IKZF2: variants seen among roughly 807,000 people sequenced by gnomAD.
The protein encoded by IKZF2 is IKAROS family zinc finger 2, also known as zinc finger protein Helios.
IKZF2 carries 15 observed loss-of-function variants against 49.2 expected under a neutral mutation model. The observed-to-expected ratio is 0.30, with a 90% CI of 0.20 to 0.47. IKZF2 has a LOEUF of 0.47. IKZF2 is among the 20% of genes least tolerant of loss of function. The pLI is 1.00. For missense variants in IKZF2, 567 were observed against 664.6 expected (o/e 0.85, Z 1.61); for synonymous variants, 227 against 221.4 (o/e 1.03, Z -0.23).
Position 213,057,115 on chromosome 2 carries a change from A to C in IKZF2, c.140-16T>G. ...ACTGAATTTGCTGTAATTTGAAAAG[A>C]AGAAAATAAATTTTAAATACATGTT... On this transcript the variant is annotated splice_polypyrimidine_tract_variant and intron_variant, in intron 4 of 8. Coordinates refer to ENST00000434687, the MANE Select transcript of IKZF2 (RefSeq NM_001387220.1). 1 of 1,605,188 alleles carries C rather than the reference A, an allele frequency of 6.2e-7. No individual in the cohort carries two copies. The highest frequency in any genetic ancestry group is 8.5e-7 in the Non-Finnish European group (1 of 1,175,990).
chr2:213,129,795 A>G lies in IKZF2; in HGVS notation c.139+17913T>C, dbSNP rs144297612. 5.9e-5 allele frequency among the ~76,000 whole-genome samples: 9 copies of G among 152,296 alleles called. No individual in the cohort carries two copies. The East Asian group carries it at 1.7e-3, about 29-fold the overall frequency. On this transcript the variant is annotated intron_variant, in intron 4 of 8. Coordinates refer to ENST00000434687, the MANE Select transcript of IKZF2 (RefSeq NM_001387220.1). The stretch of plus-strand genomic sequence containing the variant: ...TTAAGGTACTAGGAAATGATGATAG[A>G]CTAAAGTTACAGTAGCGGGCCTGGT...
At chr2:213,091,034 C>T (rs901905293) in intron 4 of IKZF2, among the ~76,000 whole-genome samples, 3 of 152,092 alleles carry the variant, frequency 2.0e-5, no homozygotes, top group Non-Finnish European at 1.5e-5. Context: ...TGGGACACTA[C>T]AGCAAGAACA....
intron 4 of IKZF2, among the ~76,000 whole-genome samples, chr2:213,085,721 G>T (rs1295125437): frequency 5.3e-5 from 8 of 152,068 alleles, no homozygotes; most frequent in Non-Finnish European, 7.4e-5. Flanking sequence ...CACGATGTTG[G>T]GTCAGCCTGC....
In IKZF2 at chr2:213,049,895, A is replaced by C; in HGVS notation, c.407-15T>G. ...GGGGCGTTCACCTGCAGTAAGGAGA[A>C]GAAATGGGAAGTATCAACTAGGGTA... is the stretch of plus-strand genomic sequence containing the variant. On this transcript the variant is annotated splice_polypyrimidine_tract_variant and intron_variant, in intron 5 of 8. Coordinates refer to ENST00000434687, the MANE Select transcript of IKZF2 (RefSeq NM_001387220.1). 6.5e-7 allele frequency: 1 copy of C among 1,529,364 alleles called. No homozygotes were observed. Among genetic ancestry groups the C allele is most frequent in the Non-Finnish European group, 8.9e-7 (1 of 1,129,116 alleles). The allele number at this position is 1,529,364 out of a possible 1,614,324, so 94.7% of individuals were successfully genotyped here.
Position 213,042,322 on chromosome 2 carries a change from C to T in IKZF2, c.574+7391G>A, listed in dbSNP as rs528325952. 6.8e-4 allele frequency among the ~76,000 whole-genome samples: 104 copies of T among 152,254 alleles called. 1 individual carries two copies. Among genetic ancestry groups the T allele is most frequent in the African/African-American group, 2.4e-3 (99 of 41,550 alleles). ...CTGCCTCAGTGTACAATAGGAATAA[C>T]CAAAGTGAGAGGTTCTCATAATGAA... is the stretch of plus-strand genomic sequence containing the variant. On this transcript the variant is annotated intron_variant, in intron 6 of 8. Coordinates refer to ENST00000434687, the MANE Select transcript of IKZF2 (RefSeq NM_001387220.1).
rs571487035 is a variant in IKZF2, at chr2:213,085,544, A to T, written c.140-28445T>A. 5.3e-5 allele frequency among the ~76,000 whole-genome samples: 8 copies of T among 152,336 alleles called. No individual in the cohort carries two copies. The South Asian group carries it at 1.7e-3, about 32-fold the overall frequency. ...TATAAATGCAGTAAAATTAGAGTTT[A>T]TTCATCAACTCATGAGAGTTGGCAG... On this transcript the variant is annotated intron_variant, in intron 4 of 8. Transcript: ENST00000434687.
intron 4 of IKZF2, among the ~76,000 whole-genome samples, chr2:213,100,331 T>A (rs1035916480): frequency 5.9e-5 from 9 of 152,098 alleles, no homozygotes; most frequent in African/African-American, 2.2e-4. Flanking sequence ...ACAGACTGCA[T>A]ATTAAGTAGG....
Position 213,000,998 on chromosome 2 carries a change from T to C in IKZF2, c.*6362A>G, listed in dbSNP as rs1224591861. ...GTGGAGTGTTTTTCTCTTTGCTTGTTGTGTCCTTTAACATACTATGACTTT... is the reference window on the plus strand; with the variant it reads ...GTGGAGTGTTTTTCTCTTTGCTTGTCGTGTCCTTTAACATACTATGACTTT... On this transcript the variant is annotated 3_prime_UTR_variant, in exon 9 of 9. Coordinates refer to ENST00000434687, the MANE Select transcript of IKZF2 (RefSeq NM_001387220.1). 6.6e-6 allele frequency: 1 copy of C among 151,848 alleles called. No individual in the cohort carries two copies. Among genetic ancestry groups the C allele is most frequent in the Non-Finnish European group, 1.5e-5 (1 of 67,570 alleles). 9.4% of individuals were successfully genotyped at this position (151,848 alleles called of 1,614,324 possible). A position where few individuals can be genotyped will look rare whatever the true frequency, so the allele number is the denominator to read the frequency against.
rs573584716 is a variant in IKZF2 at position 213,006,667 on chromosome 2, C to T, written c.*693G>A. On this transcript the variant is annotated 3_prime_UTR_variant, in exon 9 of 9. Transcript: ENST00000434687. ...GCCAGTCATCAAAACTATGGAAAAA[C>T]AGTGCTTACGTTTAGAAAAATAAGA... The T allele has an allele frequency of 1.3e-5, 2 of 152,466 alleles. No homozygotes were observed. Among genetic ancestry groups the T allele is most frequent in the African/African-American group, 4.8e-5 (2 of 41,548 alleles). 9.4% of individuals were successfully genotyped at this position (152,466 alleles called of 1,614,324 possible). A position where few individuals can be genotyped will look rare whatever the true frequency, so the allele number is the denominator to read the frequency against.
At chr2:213,143,461 T>TA (rs2060941653) in intron 4 of IKZF2, among the ~76,000 whole-genome samples, 1 of 152,042 alleles carries the variant, frequency 6.6e-6, no homozygotes, top group Non-Finnish European at 1.5e-5. Context: ...ATACCTCTTT[T>TA]ACTTTCCTTT....
chr2:213,145,858 C>T (rs569165696), intron 4 of IKZF2, among the ~76,000 whole-genome samples: 1 of 152,178 alleles, frequency 6.6e-6, no homozygotes, highest in South Asian at 2.1e-4. Context: ...AACTCTCTAC[C>T]AAACATAAGT....
intron 4 of IKZF2, among the ~76,000 whole-genome samples, chr2:213,123,196 G>A (rs1308418678): frequency 4.6e-5 from 7 of 152,282 alleles, no homozygotes; most frequent in East Asian, 1.9e-4. Flanking sequence ...CTGGAAAACC[G>A]TGATGAATTT....
intron 6 of IKZF2, among the ~76,000 whole-genome samples, chr2:213,029,862 T>C (rs1039304625): frequency 1.3e-5 from 2 of 152,084 alleles, no homozygotes; most frequent in Non-Finnish European, 2.9e-5. Context: ...ACAGTCACAA[T>C]GAACCAAGAA....
In IKZF2 at chr2:213,008,129, T is replaced by A. The variant is rs542419289; in HGVS notation, c.857-45A>T. On this transcript the variant is annotated intron_variant, in intron 8 of 8. Coordinates refer to ENST00000434687, the MANE Select transcript of IKZF2 (RefSeq NM_001387220.1). ...GAAAGAAGTAAAAAAAAAAAAAAAA[T>A]ACAACAACATTAGTATCAGATTAAA... The A allele has an allele frequency of 6.9e-5, 93 of 1,341,256 alleles. 1 individual carries two copies. In the South Asian group the frequency reaches 9.2e-4, roughly 13 times the overall value. The allele number at this position is 1,341,256 out of a possible 1,614,324, so 83.1% of individuals were successfully genotyped here.
intron 4 of IKZF2, among the ~76,000 whole-genome samples, chr2:213,138,053 T>G (rs1280117006): frequency 6.6e-6 from 1 of 152,126 alleles, no homozygotes; most frequent in Admixed American, 6.5e-5. Context: ...TCACACTGAT[T>G]AATTATACAC....
chr2:213,007,336 G>T lies in IKZF2; in HGVS notation c.*24C>A, dbSNP rs1237578313. 2.5e-6 allele frequency: 4 copies of T among 1,604,854 alleles called. No homozygotes were observed. Among genetic ancestry groups the T allele is most frequent in the African/African-American group, 1.3e-5 (1 of 74,562 alleles). ...TCATGTGCAGTTCTTTACTTCATAG[G>T]GGTCCCCTTTGGAATGAAAAGGCCT... On this transcript the variant is annotated 3_prime_UTR_variant, in exon 9 of 9. Transcript: ENST00000434687.
chr2:213,041,792 A>C (rs1340009071), intron 6 of IKZF2, among the ~76,000 whole-genome samples: 1 of 152,234 alleles, frequency 6.6e-6, no homozygotes, highest in African/African-American at 2.4e-5. Flanking sequence ...TTAGTAGACA[A>C]GAAATATTGG....
At chr2:213,035,115 T>A (rs552615374) in intron 6 of IKZF2, among the ~76,000 whole-genome samples, 2 of 152,322 alleles carry the variant, frequency 1.3e-5, no homozygotes, top group Admixed American at 6.5e-5. Flanking sequence ...ATGCCAGTTG[T>A]GTGTGAAGCC....
At chr2:213,047,514 T>G (rs993155363) in intron 6 of IKZF2, among the ~76,000 whole-genome samples, 1 of 152,154 alleles carries the variant, frequency 6.6e-6, no homozygotes, top group South Asian at 2.1e-4. Context: ...GGCTTTTTAC[T>G]CTGTGTCCTG....
Sources: allele counts gnomAD v4.1 joint callset (sites outside exome capture counted in the v4.1 genomes callset), GRCh38; gene constraint gnomAD v4.1.1; transcripts MANE v1.5; gene names NCBI Gene and HGNC (gene_info 2026-07-23, HGNC 2026-07-21).